The following FAM193A variants were observed in gnomAD, a reference collection of about 807,000 sequenced individuals.
FAM193A encodes the protein family with sequence similarity 193 member A.
A neutral mutation model predicts 126.5 loss-of-function variants in FAM193A; 22 were observed. The ratio of observed to expected loss-of-function variants is 0.17; its 90% CI spans 0.12 to 0.25. The LOEUF (loss-of-function observed/expected upper bound fraction) is 0.25, where lower values mean the gene tolerates loss of function less well. Ranked by LOEUF, FAM193A falls within the 10% of genes least tolerant of loss-of-function variation. The pLI is 1.00. For missense variants in FAM193A, 1,675 were observed against 1,672.8 expected (o/e 1.00, Z -0.02); for synonymous variants, 761 against 646.8 (o/e 1.18, Z -2.68).
At chr4:2,551,727 G>C (rs1737931571) in intron 1 of FAM193A, among the ~76,000 whole-genome samples, 1 of 150,648 alleles carries the variant, frequency 6.6e-6, no homozygotes, top group Non-Finnish European at 1.5e-5. Flanking sequence ...TGAAGAACCA[G>C]CTGTTGGTTT....
intron 1 of FAM193A, among the ~76,000 whole-genome samples, chr4:2,570,032 A>T (rs1031579796): frequency 6.6e-6 from 1 of 152,134 alleles, no homozygotes; most frequent in Non-Finnish European, 1.5e-5. Context: ...GATAAGTCAA[A>T]TACATCTGGA....
At chr4:2,707,003 T>TC (rs1718386748) in intron 19 of FAM193A, among the ~76,000 whole-genome samples, 1 of 151,852 alleles carries the variant, frequency 6.6e-6, no homozygotes, top group Non-Finnish European at 1.5e-5. Context: ...GCGCCTGTGG[T>TC]CCCAGCTGCT....
rs541361746 is a variant in FAM193A, at chr4:2,673,790, C to T, written c.2331+1418C>T. On this transcript the variant is annotated intron_variant, in intron 13 of 20. Transcript: ENST00000637812. ...CTGGAAGCTATTCAAGAATTAGTTC[C>T]GAAAAATAAGTAAGATAGTAAAATT... Among the ~76,000 whole-genome samples the T allele has an allele frequency of 5.9e-5, 9 of 152,066 alleles. No individual in the cohort carries two copies. The South Asian group carries it at 1.9e-3, about 32-fold the overall frequency.
intron 20 of FAM193A, among the ~76,000 whole-genome samples, chr4:2,728,322 A>G (rs1720988950): frequency 7.2e-6 from 1 of 138,676 alleles, no homozygotes; most frequent in Non-Finnish European, 1.5e-5. Context: ...TTTCCACCTC[A>G]GTCTTCCAAA....
chr4:2,569,477 G>T (rs1242926783), intron 1 of FAM193A, among the ~76,000 whole-genome samples: 1 of 152,060 alleles, frequency 6.6e-6, no homozygotes, highest in African/African-American at 2.4e-5. Flanking sequence ...TGAGTTTGGT[G>T]CTATTTGCCA....
chr4:2,550,832 G>A (rs2108819695), intron 1 of FAM193A, among the ~76,000 whole-genome samples: 1 of 144,656 alleles, frequency 6.9e-6, no homozygotes, highest in East Asian at 2.1e-4. Context: ...GATGAGTCTT[G>A]CTCTGTCTCC....
intron 2 of FAM193A, among the ~76,000 whole-genome samples, chr4:2,598,824 C>G (rs1741022560): frequency 6.6e-6 from 1 of 152,188 alleles, no homozygotes; most frequent in Admixed American, 6.5e-5. Flanking sequence ...AGAGGGGAGT[C>G]TCTCTCTACT....
At position 2,672,278 on chromosome 4, in the gene FAM193A, T is replaced by A; in HGVS notation, c.2237T>A (p.Ile746Asn). 6.2e-7 allele frequency: 1 copy of A among 1,614,154 alleles called. No homozygotes were observed. Among genetic ancestry groups the A allele is most frequent in the South Asian group, 1.1e-5 (1 of 91,076 alleles). The change falls in exon 13 of 21, where the codon ATC becomes AAC. Residue 746 changes from isoleucine to asparagine, a missense_variant. Physicochemically the swap from Ile to Asn is moderately radical, Grantham distance 149. Coordinates refer to ENST00000637812, the MANE Select transcript of FAM193A (RefSeq NM_001366318.2). The stretch of plus-strand genomic sequence containing the variant: ...CCTGCACTGCACCTTTACCCTCACA[T>A]CCATGGACATGTGCCTTTGCACACT... ...THPALHLYPH[I>N]HGHVPLHTVP...
Position 2,693,577 on chromosome 4 carries a change from TA to T in FAM193A, c.2804-6del, listed in dbSNP as rs752666634. 4.4e-6 allele frequency: 7 copies of T among 1,605,154 alleles called. No individual in the cohort carries two copies. The highest frequency in any genetic ancestry group is 1.7e-5 in the Admixed American group (1 of 59,518). ...AACTTGGCAGTGACTCTCGCCTCTC[TA>T]AATGCAGGTGACGTGTTTCATGGCA... is the stretch of plus-strand genomic sequence containing the variant. On this transcript the variant is annotated splice_polypyrimidine_tract_variant and splice_region_variant and intron_variant, in intron 15 of 20. Transcript: ENST00000637812.
chr4:2,685,555 CTT>C (rs1715640530), intron 13 of FAM193A, among the ~76,000 whole-genome samples: 1 of 152,214 alleles, frequency 6.6e-6, no homozygotes, highest in Admixed American at 6.5e-5. Flanking sequence ...TCCTTCGCCT[CTT>C]TACCAATCTC....
Position 2,595,728 on chromosome 4 carries a change from G to A in FAM193A, c.256-356G>A, listed in dbSNP as rs537115861. 2.0e-5 allele frequency among the ~76,000 whole-genome samples: 3 copies of A among 152,312 alleles called. No homozygotes were observed. In the South Asian group the frequency reaches 6.2e-4, roughly 32 times the overall value. On this transcript the variant is annotated intron_variant, in intron 1 of 20. Coordinates refer to ENST00000637812, the MANE Select transcript of FAM193A (RefSeq NM_001366318.2). ...TGAATCTGAGCCCTGGTGTGCAGATGCCTCTAGAATAGTAGTTTCAGACTT... is the reference window on the plus strand; with the variant it reads ...TGAATCTGAGCCCTGGTGTGCAGATACCTCTAGAATAGTAGTTTCAGACTT...
intron 4 of FAM193A, among the ~76,000 whole-genome samples, chr4:2,628,163 C>A (rs544881245): frequency 1.2e-4 from 19 of 152,132 alleles, no homozygotes; most frequent in African/African-American, 3.9e-4. Context: ...GGATTACAGG[C>A]GTGAGCCACC....
chr4:2,649,924 G>A (rs543490687), intron 7 of FAM193A, among the ~76,000 whole-genome samples: 4 of 152,176 alleles, frequency 2.6e-5, no homozygotes, highest in East Asian at 1.9e-4. Context: ...TCTCATGTCC[G>A]ATCAGCAGAG....
intron 2 of FAM193A, among the ~76,000 whole-genome samples, chr4:2,603,231 C>T (rs1741317280): frequency 6.7e-6 from 1 of 149,154 alleles, no homozygotes; most frequent in South Asian, 2.1e-4. Flanking sequence ...GTGACCTGCC[C>T]ACCTCGGCCT....
intron 1 of FAM193A, among the ~76,000 whole-genome samples, chr4:2,566,721 A>C (rs1050903210): frequency 6.6e-6 from 1 of 152,040 alleles, no homozygotes; most frequent in African/African-American, 2.4e-5. Flanking sequence ...AATTGTCTCC[A>C]TTGTGTGTGT....
intron 6 of FAM193A, among the ~76,000 whole-genome samples, chr4:2,640,620 A>G (rs1744518523): frequency 6.6e-6 from 1 of 152,192 alleles, no homozygotes; most frequent in Admixed American, 6.5e-5. Flanking sequence ...ATGTGAGCAC[A>G]TTCCCATAAT....
intron 1 of FAM193A, among the ~76,000 whole-genome samples, chr4:2,572,421 A>G (rs1739347625): frequency 6.6e-6 from 1 of 151,908 alleles, no homozygotes; most frequent in Non-Finnish European, 1.5e-5. Flanking sequence ...AATGGAAACC[A>G]GATTGTCTGA....
At chr4:2,720,284 A>G (rs1719985223) in intron 20 of FAM193A, among the ~76,000 whole-genome samples, 1 of 152,218 alleles carries the variant, frequency 6.6e-6, no homozygotes, top group Non-Finnish European at 1.5e-5. Flanking sequence ...CTAATTGTCT[A>G]CATAGGAAAT....
At chr4:2,690,054 C>T (rs898230796) in intron 14 of FAM193A, among the ~76,000 whole-genome samples, 2 of 152,238 alleles carry the variant, frequency 1.3e-5, no homozygotes, top group Non-Finnish European at 2.9e-5. Flanking sequence ...CCTCAGCCCC[C>T]CCGGTGCACA....
Sources: gnomAD v4.1 joint callset for allele counts (sites outside exome capture counted in the v4.1 genomes callset) on GRCh38, gnomAD v4.1.1 for gene constraint, MANE v1.5 for transcripts, NCBI Gene and HGNC (gene_info 2026-07-23, HGNC 2026-07-21) for gene names.